SPTLC1: variants seen among roughly 807,000 people sequenced by gnomAD.
SPTLC1 encodes serine palmitoyltransferase long chain base subunit 1.
Under a neutral mutation model 68.9 loss-of-function variants are expected in SPTLC1, and 55 were observed. The observed-to-expected ratio is 0.80, with a 90% confidence interval of 0.64 to 1.00. The LOEUF is 1.00. Among genes scored for constraint, SPTLC1 ranks in the 50% least tolerant of loss-of-function variants. The probability of loss-of-function intolerance (pLI) is 0.00; values close to 1 mark genes in which losing one functional copy is unlikely to be tolerated. For missense variants in SPTLC1, 449 were observed against 573.1 expected, an observed-to-expected ratio of 0.78 and a Z score of 2.21; for synonymous variants, 197 against 201.6, an observed-to-expected ratio of 0.98 and a Z score of 0.19.
intron 6 of SPTLC1, among the ~76,000 whole-genome samples, chr9:92,065,247 A>G (rs575149518): frequency 2.0e-5 from 3 of 152,352 alleles, no homozygotes; most frequent in South Asian, 4.1e-4. Flanking sequence ...ATGAATGACC[A>G]CTGTGCTGAG....
At chr9:92,059,388 G>T in intron 6 of SPTLC1, 80 bp from the exon 7 acceptor site, 1 of 1,442,200 alleles carries the variant, frequency 6.9e-7, no homozygotes, top group Non-Finnish European at 9.7e-7. Flanking sequence ...GTTTTTGTAA[G>T]CTGACCAATC....
chr9:92,048,214 CAGA>C (rs1388159658), intron 9 of SPTLC1, among the ~76,000 whole-genome samples: 1 of 152,170 alleles, frequency 6.6e-6, no homozygotes, highest in Non-Finnish European at 1.5e-5. Flanking sequence ...AACTGGACAG[CAGA>C]AGAACCTAAT....
At chr9:92,033,084 G>A (rs1354889616) in intron 14 of SPTLC1, among the ~76,000 whole-genome samples, 2 of 152,132 alleles carry the variant, frequency 1.3e-5, no homozygotes, top group Non-Finnish European at 2.9e-5. Flanking sequence ...TGTGGCAGGT[G>A]GGTTGCTGCG....
chr9:92,067,979 C>T lies in SPTLC1; in HGVS notation c.547G>A (p.Asp183Asn), dbSNP rs1834352253. Residue 183 changes from aspartate (D) to asparagine (N), a missense_variant, in exon 6 of 15, where the codon GAC becomes AAC. Transcript: ENST00000262554. ...AAGTTTACTTACACAAAAACAATGT[C>T]CCCTCTTTTAGAGTAAGCAGGAATA... ...SAIPAYSKRGDIVFVDRAACF... is the reference protein window; with the variant it reads ...SAIPAYSKRGNIVFVDRAACF... 1 of 1,613,938 alleles carries T rather than the reference C, an allele frequency of 6.2e-7. No individual in the cohort carries two copies. The highest frequency in any genetic ancestry group is 1.3e-5 in the African/African-American group (1 of 74,924).
chr9:92,079,309 C>T (rs1486433869), intron 5 of SPTLC1: 11 of 1,093,902 alleles, frequency 1.0e-5, no homozygotes, highest in Non-Finnish European at 1.4e-5. Flanking sequence ...CTCCTGACCT[C>T]AGGTGATCTG....
At chr9:92,043,411 T>C (rs77519851) in intron 12 of SPTLC1, among the ~76,000 whole-genome samples, 1,770 of 152,302 alleles carry the variant, frequency 0.012, 39 homozygotes, top group African/African-American at 0.04. Flanking sequence ...TCCCTCACAC[T>C]TCAGACTTGT....
intron 3 of SPTLC1, among the ~76,000 whole-genome samples, chr9:92,084,084 T>C (rs1197172200): frequency 1.3e-5 from 2 of 151,894 alleles, no homozygotes; most frequent in Non-Finnish European, 2.9e-5. Flanking sequence ...TTTTTGTACA[T>C]TGATTTTGTA....
chr9:92,060,214 A>G (rs954628527), intron 6 of SPTLC1, among the ~76,000 whole-genome samples: 6 of 152,216 alleles, frequency 3.9e-5, no homozygotes, highest in Non-Finnish European at 7.3e-5. Flanking sequence ...ATGTCAGAGA[A>G]AGCCAAATAA....
chr9:92,110,681 T>A (rs1040290061), intron 2 of SPTLC1: 1 of 152,208 alleles, frequency 6.6e-6, no homozygotes, highest in Non-Finnish European at 1.5e-5. Flanking sequence ...CTAGAAGGCA[T>A]CATACTATCA....
chr9:92,079,598 C>T, intron 5 of SPTLC1: 1 of 1,563,140 alleles, frequency 6.4e-7, no homozygotes, highest in Non-Finnish European at 8.8e-7. Flanking sequence ...CTGTTTATCC[C>T]CCCTCCCTCC....
chr9:92,046,994 T>C (rs1833537387), intron 11 of SPTLC1, among the ~76,000 whole-genome samples, 178 bp downstream of exon 11: 2 of 152,220 alleles, frequency 1.3e-5, no homozygotes, highest in Non-Finnish European at 2.9e-5. Context: ...AGAAAAGCTC[T>C]GACCCCAAGT....
intron 7 of SPTLC1, 45 bp downstream of exon 7, chr9:92,059,134 A>C: frequency 6.2e-7 from 1 of 1,603,368 alleles, no homozygotes; most frequent in Non-Finnish European, 8.5e-7. Context: ...TTAGCTGGTT[A>C]GAAAGTACAA....
intron 3 of SPTLC1, among the ~76,000 whole-genome samples, chr9:92,099,332 G>T (rs1835659060): frequency 6.6e-6 from 1 of 152,198 alleles, no homozygotes; most frequent in African/African-American, 2.4e-5. Flanking sequence ...TGGGCACAGT[G>T]AGTGTAGATG....
At chr9:92,099,931 T>C (rs1214722011) in intron 3 of SPTLC1, among the ~76,000 whole-genome samples, 1 of 152,182 alleles carries the variant, frequency 6.6e-6, no homozygotes, top group African/African-American at 2.4e-5. Context: ...CGTACCAGGT[T>C]ATAGGTACAC....
intron 5 of SPTLC1, among the ~76,000 whole-genome samples, chr9:92,074,204 T>C (rs1834596340): frequency 6.6e-6 from 1 of 151,444 alleles, no homozygotes; most frequent in South Asian, 2.1e-4. Flanking sequence ...GGCTACCCAC[T>C]CCACGTTACC....
At chr9:92,062,503 T>C (rs1211998992) in intron 6 of SPTLC1, among the ~76,000 whole-genome samples, 1 of 151,682 alleles carries the variant, frequency 6.6e-6, no homozygotes, top group Admixed American at 6.6e-5. Flanking sequence ...CCAAAAAGAC[T>C]TGACATTTAT....
Position 92,099,478 on chromosome 9 carries a change from T to C in SPTLC1, c.260+9262A>G, listed in dbSNP as rs1835664635. 2.3e-5 allele frequency among the ~76,000 whole-genome samples: 3 copies of C among 132,790 alleles called. No individual in the cohort carries two copies. In the South Asian group the frequency reaches 6.7e-4, roughly 30 times the overall value. The allele number at this position is 132,790 out of a possible 152,430, so 87.1% of individuals were successfully genotyped here. A position where few individuals can be genotyped will look rare whatever the true frequency, so the allele number is the denominator to read the frequency against. On this transcript the variant is annotated intron_variant, in intron 3 of 14. Transcript: ENST00000262554. ...AGAGTAAAATACTGTATTTTTACTG[T>C]ACTTTTTTTTTTTTTTTTTAAGACA...
chr9:92,092,775 C>T (rs1441401561), intron 3 of SPTLC1, among the ~76,000 whole-genome samples: 1 of 152,102 alleles, frequency 6.6e-6, no homozygotes, highest in Admixed American at 6.6e-5. Context: ...TGGAATAGTA[C>T]TTAGAAGGGA....
chr9:92,082,635 A>G (rs1472723135), intron 3 of SPTLC1, among the ~76,000 whole-genome samples: 3 of 151,832 alleles, frequency 2.0e-5, no homozygotes, highest in Non-Finnish European at 4.4e-5. Flanking sequence ...AATCCAGTCT[A>G]TCATTGTCGG....
Sources: allele counts gnomAD v4.1 joint callset (sites outside exome capture counted in the v4.1 genomes callset), GRCh38; gene constraint gnomAD v4.1.1; transcripts MANE v1.5; gene names NCBI Gene and HGNC (gene_info 2026-07-23, HGNC 2026-07-21).